The following CDC73 variants were observed in gnomAD, a reference collection of about 807,000 sequenced individuals.
CDC73 encodes cell division cycle 73, also known as parafibromin.
A neutral mutation model predicts 83.7 loss-of-function variants in CDC73; 21 were observed. That is an observed-to-expected ratio of 0.25 (90% CI 0.18 to 0.36). The LOEUF (loss-of-function observed/expected upper bound fraction) is 0.36, where lower values mean the gene tolerates loss of function less well. Ranked by LOEUF, CDC73 falls within the 10% of genes least tolerant of loss-of-function variation. The pLI is 1.00. For synonymous variants in CDC73, 224 were observed against 212.9 expected, an observed-to-expected ratio of 1.05 and a Z score of -0.45; for missense variants, 342 against 653.3, an observed-to-expected ratio of 0.52 and a Z score of 5.19.
chr1:193,168,649 G>A (rs1289505985), intron 10 of CDC73, among the ~76,000 whole-genome samples: 9 of 151,748 alleles, frequency 5.9e-5, no homozygotes, highest in Non-Finnish European at 1.0e-4. Context: ...CCAGCCTCCT[G>A]AGTAGCTGGG....
At chr1:193,235,504 C>G (rs773030187) in intron 14 of CDC73, among the ~76,000 whole-genome samples, 2 of 152,064 alleles carry the variant, frequency 1.3e-5, no homozygotes, top group Non-Finnish European at 2.9e-5. Context: ...TTGTTCCCAC[C>G]GCTTTAGTTA....
At chr1:193,135,511 T>G (rs758020763) in intron 4 of CDC73, 26 bp from the exon 5 acceptor site, 1 of 1,612,508 alleles carries the variant, frequency 6.2e-7, no homozygotes, top group Non-Finnish European at 8.5e-7. Flanking sequence ...AAACTACACA[T>G]TTATTTACTT....
intron 11 of CDC73, among the ~76,000 whole-genome samples, chr1:193,211,709 T>A (rs1168378669): frequency 6.6e-6 from 1 of 152,142 alleles, no homozygotes; most frequent in African/African-American, 2.4e-5. Context: ...TGGGGCAGTG[T>A]GAGATTTCAT....
rs1678074191 is a variant in CDC73, at chr1:193,253,323, T to C, written c.*2611T>C. 4.3e-6 allele frequency: 1 copy of C among 232,424 alleles called. No individual in the cohort carries two copies. Among genetic ancestry groups the C allele is most frequent in the Non-Finnish European group, 8.5e-6 (1 of 117,604 alleles). The allele number at this position is 232,424 out of a possible 1,614,324, so 14.4% of individuals were successfully genotyped here. Reference sequence around the variant, plus strand: ...ATGTGCAGGAAGGATTCAGAATCACTGGTTTAATTTGTTATTGAAAACAGT... The same window carrying C: ...ATGTGCAGGAAGGATTCAGAATCACCGGTTTAATTTGTTATTGAAAACAGT... On this transcript the variant is annotated 3_prime_UTR_variant, in exon 17 of 17. Transcript: ENST00000367435.
chr1:193,241,899 T>G (rs908614060), intron 15 of CDC73, among the ~76,000 whole-genome samples: 17 of 152,262 alleles, frequency 1.1e-4, no homozygotes, highest in Admixed American at 7.8e-4. Context: ...CTACCAGCAC[T>G]TGGGTCCTGC....
At chr1:193,141,750 G>T (rs1280010898) in intron 6 of CDC73, 100 bp from the exon 7 acceptor site, 1 of 762,646 alleles carries the variant, frequency 1.3e-6, no homozygotes, top group African/African-American at 1.7e-5. Context: ...TTATTGCCAT[G>T]TAAGTGTTTT....
chr1:193,238,874 G>A (rs1353525213), intron 15 of CDC73, among the ~76,000 whole-genome samples: 1 of 152,170 alleles, frequency 6.6e-6, no homozygotes, highest in African/African-American at 2.4e-5. Context: ...TTGAGGAGGA[G>A]GAAGGGTTAG....
At chr1:193,202,613 C>CTTT (rs35435159) in intron 10 of CDC73, among the ~76,000 whole-genome samples, 28 of 126,440 alleles carry the variant, frequency 2.2e-4, no homozygotes, top group African/African-American at 5.0e-4. Flanking sequence ...CCTCAGGTGT[C>CTTT]TTTTTTTTTT....
chr1:193,227,877 T>C (rs1677591678), intron 13 of CDC73, among the ~76,000 whole-genome samples: 1 of 152,178 alleles, frequency 6.6e-6, no homozygotes, highest in African/African-American at 2.4e-5. Context: ...GTTTGTTATT[T>C]AAGGCTTAAG....
chr1:193,159,874 G>A (rs1676279125), intron 10 of CDC73, among the ~76,000 whole-genome samples: 1 of 152,122 alleles, frequency 6.6e-6, no homozygotes, highest in East Asian at 1.9e-4. Context: ...AGAGGTGTTA[G>A]AATCTGATTT....
chr1:193,204,182 T>C (rs551769482), intron 11 of CDC73, among the ~76,000 whole-genome samples: 105 of 142,586 alleles, frequency 7.4e-4, no homozygotes, highest in African/African-American at 1.9e-3. Context: ...TATATATATA[T>C]ACACACACAC....
intron 10 of CDC73, among the ~76,000 whole-genome samples, chr1:193,158,661 A>G (rs979906180): frequency 3.3e-5 from 5 of 152,144 alleles, no homozygotes; most frequent in African/African-American, 1.2e-4. Context: ...AGAATATTAT[A>G]TTACACTTTA....
At chr1:193,230,321 G>A (rs751601124) in intron 13 of CDC73, among the ~76,000 whole-genome samples, 1 of 151,464 alleles carries the variant, frequency 6.6e-6, no homozygotes, top group Non-Finnish European at 1.5e-5. Flanking sequence ...GCCAATTTTT[G>A]TATATTTAGT....
At chr1:193,219,080 G>C (rs1435007199) in intron 13 of CDC73, among the ~76,000 whole-genome samples, 1 of 152,160 alleles carries the variant, frequency 6.6e-6, no homozygotes, top group Non-Finnish European at 1.5e-5. Context: ...CAAAGGACAC[G>C]AACAGACACT....
At chr1:193,159,966 A>G (rs1676280823) in intron 10 of CDC73, among the ~76,000 whole-genome samples, 1 of 152,172 alleles carries the variant, frequency 6.6e-6, no homozygotes, top group Admixed American at 6.5e-5. Context: ...CAACATATTC[A>G]TGTCAGGGAA....
intron 10 of CDC73, among the ~76,000 whole-genome samples, chr1:193,169,367 A>G (rs1225046053): frequency 6.6e-6 from 1 of 152,188 alleles, no homozygotes; most frequent in Non-Finnish European, 1.5e-5. Flanking sequence ...CAACATGGTG[A>G]AATCCTGTCT....
chr1:193,192,893 A>G (rs1676942741), intron 10 of CDC73, among the ~76,000 whole-genome samples: 3 of 152,370 alleles, frequency 2.0e-5, no homozygotes, highest in African/African-American at 7.2e-5. Flanking sequence ...ACATGTGTAA[A>G]CAAGCTCTTT....
intron 13 of CDC73, among the ~76,000 whole-genome samples, chr1:193,232,129 A>T (rs1374241423): frequency 6.6e-6 from 1 of 152,220 alleles, no homozygotes; most frequent in African/African-American, 2.4e-5. Flanking sequence ...CTAGTTGATA[A>T]TAATAGCAGG....
In CDC73 at chr1:193,172,094, T is replaced by C. The variant is rs984363871; in HGVS notation, c.972+19650T>C. Among the ~76,000 whole-genome samples, 5 of 151,990 alleles carry C rather than the reference T, an allele frequency of 3.3e-5. No homozygotes were observed. In the East Asian group the frequency reaches 5.8e-4, roughly 18 times the overall value. On this transcript the variant is annotated intron_variant, in intron 10 of 16. Transcript: ENST00000367435. ...TGTGCGCCACCACACCTGGCTAATA[T>C]TTGTATTTTTAGTTTGGATGGGGTT...
Sources: gnomAD v4.1 joint callset for allele counts (sites outside exome capture counted in the v4.1 genomes callset) on GRCh38, gnomAD v4.1.1 for gene constraint, MANE v1.5 for transcripts, NCBI Gene and HGNC (gene_info 2026-07-23, HGNC 2026-07-21) for gene names.